Variants in COL21A1 observed in about 807,000 individuals in gnomAD.
COL21A1 encodes the protein collagen alpha-1(XXI) chain.
A neutral mutation model predicts 137.9 loss-of-function variants in COL21A1; 149 were observed. The observed-to-expected ratio is 1.08, with a 90% CI of 0.95 to 1.24. The LOEUF (loss-of-function observed/expected upper bound fraction) is 1.24, where lower values mean the gene tolerates loss of function less well. COL21A1 is among the 50% of genes most tolerant of loss of function. COL21A1 has a pLI of 0.00. For synonymous variants in COL21A1, 456 were observed against 391.5 expected (o/e 1.16, Z -1.95); for missense variants, 1,167 against 1,158.4 (o/e 1.01, Z -0.11).
At chr6:56,128,789 G>A (rs887079785) in intron 12 of COL21A1, among the ~76,000 whole-genome samples, 2 of 152,192 alleles carry the variant, frequency 1.3e-5, no homozygotes, top group South Asian at 4.1e-4. Flanking sequence ...TGAGTAGCCG[G>A]GATTACAGGT....
chr6:56,191,429 C>CAA (rs70986782), intron 1 of COL21A1, among the ~76,000 whole-genome samples: 1 of 133,224 alleles, frequency 7.5e-6, no homozygotes, highest in Non-Finnish European at 1.6e-5. Context: ...ACTAAAAATA[C>CAA]AAAAAAAAAA....
At chr6:56,357,506 C>T (rs528333385) in intron 1 of COL21A1, among the ~76,000 whole-genome samples, 1 of 152,270 alleles carries the variant, frequency 6.6e-6, no homozygotes, top group South Asian at 2.1e-4. Context: ...TGTAAGTGGG[C>T]TCTGATTGTG....
chr6:56,152,893 G>T (rs1474841918), intron 10 of COL21A1, among the ~76,000 whole-genome samples: 1 of 152,136 alleles, frequency 6.6e-6, no homozygotes, highest in Non-Finnish European at 1.5e-5. Context: ...CACTTCAGCT[G>T]CCAGTCACAG....
At chr6:56,332,895 C>G (rs1765261576) in intron 1 of COL21A1, among the ~76,000 whole-genome samples, 1 of 152,026 alleles carries the variant, frequency 6.6e-6, no homozygotes, top group African/African-American at 2.4e-5. Flanking sequence ...TGTAAAAACT[C>G]TTTAGGTGTT....
At chr6:56,077,117 G>T (rs1767309390) in intron 18 of COL21A1, among the ~76,000 whole-genome samples, 1 of 151,268 alleles carries the variant, frequency 6.6e-6, no homozygotes, top group Admixed American at 6.6e-5. Flanking sequence ...ACCTTGAGTT[G>T]TATAGTCTAC....
Position 56,156,895 on chromosome 6 carries a change from C to T in COL21A1, c.1426G>A (p.Gly476Ser), listed in dbSNP as rs535480851. 23 of 1,611,642 alleles carry T rather than the reference C, an allele frequency of 1.4e-5. No homozygotes were observed. The South Asian group carries it at 1.8e-4, about 12-fold the overall frequency. The change falls in exon 10 of 30, where the codon GGT becomes AGT. Residue 476 changes from glycine (G) to serine (S), a missense_variant. By Grantham distance (56) the Gly-to-Ser change is moderately conservative. Coordinates refer to ENST00000244728, the MANE Select transcript of COL21A1 (RefSeq NM_030820.4). ...AAGCTTTCAGTACTCACAGGCTTAC[C>T]ATCTTGACCAGGTTGTCCAGGGTAG... ...PGYPGQPGQDGKPGYQGIAGT... is the reference protein window; with the variant it reads ...PGYPGQPGQDSKPGYQGIAGT...
intron 10 of COL21A1, among the ~76,000 whole-genome samples, chr6:56,150,544 AC>A (rs1320249190): frequency 4.6e-5 from 7 of 151,566 alleles, no homozygotes; most frequent in South Asian, 2.1e-4. Context: ...ACACACACAC[AC>A]ACACACACAC....
At chr6:56,072,333 G>T (rs111565663) in intron 20 of COL21A1, among the ~76,000 whole-genome samples, 88 of 151,590 alleles carry the variant, frequency 5.8e-4, no homozygotes, top group Non-Finnish European at 5.8e-4. Flanking sequence ...GTAAAGGGCA[G>T]ATTTTTTTAA....
chr6:56,385,036 G>A (rs1188262240), intron 1 of COL21A1, among the ~76,000 whole-genome samples: 1 of 152,200 alleles, frequency 6.6e-6, no homozygotes, highest in Non-Finnish European at 1.5e-5. Context: ...GAGTCCTGCA[G>A]AAGCAGATGA....
At chr6:56,288,765 G>A (rs375304621) in intron 1 of COL21A1, among the ~76,000 whole-genome samples, 65 of 152,302 alleles carry the variant, frequency 4.3e-4, no homozygotes, top group Middle Eastern at 3.4e-3. Context: ...GAAACCTGGG[G>A]ATGCACAGGA....
chr6:56,114,717 T>A (rs1427305322), intron 16 of COL21A1, among the ~76,000 whole-genome samples: 4 of 149,304 alleles, frequency 2.7e-5, no homozygotes, highest in African/African-American at 5.0e-5. Context: ...ACTTTTACAC[T>A]GTTGGTGGGA....
intron 17 of COL21A1, among the ~76,000 whole-genome samples, chr6:56,088,687 A>G (rs188821855): frequency 6.6e-4 from 101 of 152,258 alleles, no homozygotes; most frequent in Non-Finnish European, 1.3e-3. Flanking sequence ...TTTTGGGAGC[A>G]CTTCCAAAAT....
At chr6:56,059,979 T>C (rs1250500936) in intron 28 of COL21A1, 39 bp downstream of exon 28, 7 of 1,510,134 alleles carry the variant, frequency 4.6e-6, no homozygotes, top group Non-Finnish European at 6.3e-6. Context: ...AAAAAAAGAC[T>C]TTTTAAAATT....
At chr6:56,203,602 A>ACGTC (rs2152299743) in intron 1 of COL21A1, among the ~76,000 whole-genome samples, 1 of 152,378 alleles carries the variant, frequency 6.6e-6, no homozygotes, top group East Asian at 1.9e-4. Flanking sequence ...GATTAGATCA[A>ACGTC]CGGGACCCAA....
intron 1 of COL21A1, among the ~76,000 whole-genome samples, chr6:56,361,692 C>A (rs1765969012): frequency 7.3e-6 from 1 of 137,722 alleles, no homozygotes; most frequent in Non-Finnish European, 1.6e-5. Context: ...AAGATCCAAG[C>A]ATAAAAAAAA....
intron 1 of COL21A1, among the ~76,000 whole-genome samples, chr6:56,188,246 T>G (rs1356992399): frequency 6.6e-6 from 1 of 152,216 alleles, no homozygotes; most frequent in East Asian, 1.9e-4. Context: ...CTTATAAGGT[T>G]AAACTATGGC....
intron 1 of COL21A1, among the ~76,000 whole-genome samples, chr6:56,233,148 A>AG (rs1264003255): frequency 6.6e-6 from 1 of 151,864 alleles, no homozygotes; most frequent in Non-Finnish European, 1.5e-5. Flanking sequence ...GACAGGCCCC[A>AG]GGTAGCTTCC....
intron 1 of COL21A1, among the ~76,000 whole-genome samples, chr6:56,216,296 G>A (rs1020663076): frequency 2.6e-5 from 4 of 151,980 alleles, no homozygotes; most frequent in African/African-American, 7.2e-5. Flanking sequence ...CCTACAGAGA[G>A]GACCAACATT....
upstream of COL21A1, among the ~76,000 whole-genome samples, chr6:56,249,683 C>T (rs1044336954): frequency 6.6e-6 from 1 of 152,098 alleles, no homozygotes; most frequent in Non-Finnish European, 1.5e-5. Flanking sequence ...ACTTGAAGTA[C>T]GTAGTAAATC....
Sources: allele counts gnomAD v4.1 joint callset (sites outside exome capture counted in the v4.1 genomes callset), GRCh38; gene constraint gnomAD v4.1.1; transcripts MANE v1.5; gene names NCBI Gene and HGNC (gene_info 2026-07-23, HGNC 2026-07-21).